The following CSMD3 variants were observed in gnomAD, a reference collection of about 807,000 sequenced individuals.
The protein encoded by CSMD3 is CUB and sushi domain-containing protein 3.
In CSMD3, 177 loss-of-function variants were observed where a neutral mutation model predicts 435.2. The ratio of observed to expected loss-of-function variants is 0.41; its 90% CI spans 0.36 to 0.46. The LOEUF is 0.46. Ranked by LOEUF, CSMD3 falls within the 20% of genes least tolerant of loss-of-function variation. CSMD3 has a pLI of 0.34. For synonymous variants in CSMD3, 1,656 were observed against 1,520.5 expected (o/e 1.09, Z -2.07); for missense variants, 4,265 against 4,504.6 (o/e 0.95, Z 1.52).
chr8:112,433,666 A>AAAG (rs1325330438), intron 32 of CSMD3, among the ~76,000 whole-genome samples: 5 of 150,562 alleles, frequency 3.3e-5, no homozygotes, highest in Non-Finnish European at 3.0e-5. Context: ...AAAAAAAAAA[A>AAAG]AAAAAAGAAA....
chr8:112,646,404 G>A (rs1044591599), intron 19 of CSMD3, among the ~76,000 whole-genome samples: 1 of 151,548 alleles, frequency 6.6e-6, no homozygotes, highest in African/African-American at 2.4e-5. Context: ...GTATATCTGC[G>A]TGTTTGTGTG....
chr8:112,947,758 T>A, intron 9 of CSMD3, 32 bp downstream of exon 9: 2 of 880,744 alleles, frequency 2.3e-6, no homozygotes, highest in Admixed American at 1.7e-5. Context: ...CTTGACAAGA[T>A]AAATAATGAA....
At chr8:112,313,460 A>T (rs968460430) in intron 49 of CSMD3, among the ~76,000 whole-genome samples, 4 of 152,176 alleles carry the variant, frequency 2.6e-5, no homozygotes, top group African/African-American at 9.6e-5. Context: ...AGGAGTTCTT[A>T]AATAGGTCAG....
rs188909660 is a variant in CSMD3 at position 112,617,136 on chromosome 8, C to T, written c.3715+19681G>A. On this transcript the variant is annotated intron_variant, in intron 22 of 70. Coordinates refer to ENST00000297405, the MANE Select transcript of CSMD3 (RefSeq NM_198123.2). The stretch of plus-strand genomic sequence containing the variant: ...GATAGTGGAGCTGTTTCTCTATAGG[C>T]TTATCTTCCTTGACAAATTTCAGAG... Among the ~76,000 whole-genome samples, 423 of 152,256 alleles carry T rather than the reference C, an allele frequency of 2.8e-3. 1 individual carries two copies. The highest frequency in any genetic ancestry group is 5.1e-3 in the Non-Finnish European group (350 of 68,016).
intron 13 of CSMD3, among the ~76,000 whole-genome samples, chr8:112,745,943 A>T (rs989194440): frequency 3.3e-5 from 5 of 152,132 alleles, no homozygotes; most frequent in African/African-American, 9.7e-5. Flanking sequence ...AATACAGGTA[A>T]TTATTTTGTT....
chr8:112,330,350 A>T (rs188802665), intron 45 of CSMD3, among the ~76,000 whole-genome samples: 8 of 152,276 alleles, frequency 5.3e-5, no homozygotes, highest in Non-Finnish European at 8.8e-5. Flanking sequence ...TAATAACATA[A>T]TTATTAAATC....
At chr8:112,285,002 A>G (rs1470762245) in intron 58 of CSMD3, among the ~76,000 whole-genome samples, 2 of 151,878 alleles carry the variant, frequency 1.3e-5, no homozygotes, top group Admixed American at 1.3e-4. Context: ...TATAGGTTAC[A>G]GTTTTTTTTT....
At chr8:112,719,793 G>A (rs1445147994) in intron 13 of CSMD3, among the ~76,000 whole-genome samples, 1 of 152,128 alleles carries the variant, frequency 6.6e-6, no homozygotes, top group African/African-American at 2.4e-5. Flanking sequence ...ATTTGAAGTA[G>A]TTAGGAAGAA....
At chr8:112,612,693 T>C (rs1001808901) in intron 22 of CSMD3, among the ~76,000 whole-genome samples, 3 of 147,056 alleles carry the variant, frequency 2.0e-5, no homozygotes, top group Non-Finnish European at 4.5e-5. Flanking sequence ...ATTTCTGAAC[T>C]CTTTCTTTCT....
intron 22 of CSMD3, among the ~76,000 whole-genome samples, chr8:112,594,107 C>T (rs1334416327): frequency 2.6e-5 from 4 of 152,084 alleles, no homozygotes; most frequent in South Asian, 2.1e-4. Context: ...TCTGAGGTAC[C>T]GGGTTCATCT....
At chr8:112,243,162 A>T (rs1270216427) in intron 65 of CSMD3, among the ~76,000 whole-genome samples, 1 of 152,060 alleles carries the variant, frequency 6.6e-6, no homozygotes, top group Non-Finnish European at 1.5e-5. Flanking sequence ...GGAGGACAGG[A>T]GAGTGGAAGC....
intron 59 of CSMD3, among the ~76,000 whole-genome samples, chr8:112,279,013 A>AAC (rs1818364149): frequency 4.2e-5 from 5 of 119,122 alleles, no homozygotes; most frequent in African/African-American, 1.3e-4. Context: ...CACCCCCAAA[A>AAC]AACAACAACA....
At chr8:112,929,741 C>T (rs1481400538) in intron 9 of CSMD3, among the ~76,000 whole-genome samples, 1 of 151,888 alleles carries the variant, frequency 6.6e-6, no homozygotes, top group Non-Finnish European at 1.5e-5. Flanking sequence ...AAATAAAGTG[C>T]TTTTGAAGGT....
chr8:112,445,015 G>T (rs1349849657), intron 32 of CSMD3, among the ~76,000 whole-genome samples: 1 of 152,126 alleles, frequency 6.6e-6, no homozygotes. Context: ...GGCCGAAGGG[G>T]GCAGATCACT....
chr8:112,966,287 G>C (rs1281073058), intron 7 of CSMD3, among the ~76,000 whole-genome samples: 1 of 151,442 alleles, frequency 6.6e-6, no homozygotes, highest in Non-Finnish European at 1.5e-5. Flanking sequence ...CTTTAAAGAT[G>C]CTATTAAAAT....
chr8:113,176,831 C>A (rs2092353281), intron 3 of CSMD3, among the ~76,000 whole-genome samples: 1 of 151,224 alleles, frequency 6.6e-6, no homozygotes, highest in Admixed American at 6.6e-5. Context: ...TTATGTGCAG[C>A]AAACCATCAT....
intron 8 of CSMD3, among the ~76,000 whole-genome samples, chr8:112,950,323 A>G (rs921853794): frequency 2.0e-5 from 3 of 151,956 alleles, no homozygotes; most frequent in African/African-American, 7.2e-5. Flanking sequence ...TGTTTATTAA[A>G]ATGTGACTTT....
intron 32 of CSMD3, among the ~76,000 whole-genome samples, chr8:112,440,242 T>C (rs1377048976): frequency 6.6e-6 from 1 of 152,112 alleles, no homozygotes; most frequent in Non-Finnish European, 1.5e-5. Context: ...AAGTTCAAAA[T>C]CCAATAGGGC....
intron 38 of CSMD3, among the ~76,000 whole-genome samples, chr8:112,376,169 A>G (rs911454626): frequency 1.3e-5 from 2 of 152,180 alleles, no homozygotes; most frequent in African/African-American, 2.4e-5. Context: ...TACCACAAAT[A>G]TATCTATTAC....
Sources: allele counts gnomAD v4.1 joint callset (sites outside exome capture counted in the v4.1 genomes callset), GRCh38; gene constraint gnomAD v4.1.1; transcripts MANE v1.5; gene names NCBI Gene and HGNC (gene_info 2026-07-23, HGNC 2026-07-21).